The following UTY variants were observed in gnomAD, a reference collection of about 807,000 sequenced individuals.
UTY encodes the protein ubiquitously transcribed tetratricopeptide repeat containing, Y-linked, also known as histone demethylase UTY.
In UTY, 12 loss-of-function variants were observed where a neutral mutation model predicts 32.5. That is an observed-to-expected ratio of 0.37 (90% CI 0.24 to 0.60). The LOEUF is 0.60. UTY is among the 20% of genes least tolerant of loss of function. The pLI is 0.69. For missense variants in UTY, 303 were observed against 299.2 expected (o/e 1.01, Z -0.09); for synonymous variants, 131 against 103.4 (o/e 1.27, Z -1.62).
intron 3 of UTY, among the ~76,000 whole-genome samples, chrY:13,450,829 A>G: frequency 3.2e-5 from 1 of 31,597 alleles, no homozygotes. Context: ...GTCTGAAAAA[A>G]AAAAAAAAAA....
chrY:13,294,680 T>C, intron 27 of UTY, among the ~76,000 whole-genome samples: 1 of 34,138 alleles, frequency 2.9e-5, no homozygotes, highest in Non-Finnish European at 7.3e-5. Context: ...AAGTGGTCCA[T>C]GTTTCAGTTA....
At chrY:13,323,285 A>G in intron 21 of UTY, 1 of 86,518 alleles carries the variant, frequency 1.2e-5, no homozygotes, top group African/African-American at 1.1e-4. Context: ...AATTCCAGCT[A>G]TTCGGGAGGC....
intron 27 of UTY, among the ~76,000 whole-genome samples, chrY:13,279,877 T>G (rs2056910934): frequency 3.0e-5 from 1 of 32,991 alleles, no homozygotes; most frequent in African/African-American, 1.2e-4. Flanking sequence ...ACAAAGAGAT[T>G]AAAAAGAGTC....
chrY:13,457,049 T>A (rs1000156757), intron 3 of UTY, among the ~76,000 whole-genome samples: 1 of 33,514 alleles, frequency 3.0e-5, no homozygotes, highest in Admixed American at 2.8e-4. Context: ...GAAACACTAA[T>A]TGTAAGAAGT....
At chrY:13,256,508 T>A (rs2054724215) in intron 28 of UTY, among the ~76,000 whole-genome samples, 3 of 33,770 alleles carry the variant, frequency 8.9e-5, no homozygotes, top group Non-Finnish European at 2.2e-4. Context: ...TGAAATTAAC[T>A]AATTGGATTC....
At chrY:13,354,974 G>C (rs765240834) in intron 17 of UTY, 29 bp downstream of exon 17, 31 of 393,941 alleles carry the variant, frequency 7.9e-5, no homozygotes, top group Non-Finnish European at 9.9e-5. Context: ...CTATATAAGA[G>C]CCAAGAAAGC....
intron 6 of UTY, among the ~76,000 whole-genome samples, chrY:13,401,086 CT>C (rs2068954452): frequency 3.0e-5 from 1 of 33,442 alleles, no homozygotes; most frequent in African/African-American, 1.2e-4. Flanking sequence ...CATAAGGGCT[CT>C]CTCTCATGAA....
chrY:13,286,941 A>C, intron 27 of UTY: 1 of 385,474 alleles, frequency 2.6e-6, no homozygotes, highest in Non-Finnish European at 3.7e-6. Flanking sequence ...AGCTAACTGG[A>C]AATACAAGTA....
chrY:13,471,818 G>A, intron 2 of UTY, among the ~76,000 whole-genome samples: 1 of 28,674 alleles, frequency 3.5e-5, no homozygotes, highest in African/African-American at 1.4e-4. Flanking sequence ...GTGAGACCCC[G>A]GCTCAAAAAA....
rs768412584 is a variant in UTY at position 13,387,765 on chromosome Y, G to A, written c.645+6094C>T. 1.3e-3 allele frequency among the ~76,000 whole-genome samples: 42 copies of A among 33,379 alleles called. No homozygotes were observed. In the South Asian group the frequency reaches 0.028, roughly 22 times the overall value. The allele number at this position is 33,379 out of a possible 37,273, so 89.6% of individuals were successfully genotyped here. Reference sequence around the variant, plus strand: ...GCAGAGGTTGCAGTGAGCTGAGATCGCACCAATGCACTCCAGCCTGGGCAA... The same window carrying A: ...GCAGAGGTTGCAGTGAGCTGAGATCACACCAATGCACTCCAGCCTGGGCAA... On this transcript the variant is annotated intron_variant, in intron 8 of 29. Transcript: ENST00000545955.
At chrY:13,301,201 A>C in intron 25 of UTY, among the ~76,000 whole-genome samples, 1 of 33,153 alleles carries the variant, frequency 3.0e-5, no homozygotes, top group South Asian at 6.8e-4. Context: ...CGTTTCCCAT[A>C]AACTTTAAAA....
chrY:13,437,094 C>G, intron 4 of UTY, among the ~76,000 whole-genome samples: 1 of 32,134 alleles, frequency 3.1e-5, no homozygotes, highest in Admixed American at 2.8e-4. Flanking sequence ...AGAGGAAGGG[C>G]AATTGTCTCC....
intron 8 of UTY, among the ~76,000 whole-genome samples, chrY:13,372,004 G>A (rs963365570): frequency 1.5e-4 from 5 of 33,805 alleles, no homozygotes; most frequent in Non-Finnish European, 2.9e-4. Flanking sequence ...AGACACAAAT[G>A]AATGACAGAC....
chrY:13,275,192 T>C (rs1603290542), intron 27 of UTY, among the ~76,000 whole-genome samples: 1 of 33,723 alleles, frequency 3.0e-5, no homozygotes, highest in Non-Finnish European at 7.4e-5. Flanking sequence ...TGGGGGAAAG[T>C]ATTCATATGT....
chrY:13,239,396 G>A (rs759743001), intron 28 of UTY, among the ~76,000 whole-genome samples: 17 of 33,461 alleles, frequency 5.1e-4, no homozygotes, highest in Admixed American at 4.1e-3. Flanking sequence ...GATAACAAAA[G>A]GTTCACAACC....
In UTY at chrY:13,249,119, G is replaced by A; in HGVS notation, c.*737C>T. On this transcript the variant is annotated 3_prime_UTR_variant, in exon 30 of 30. Transcript: ENST00000545955. ...TTATCTACACATATAAAATGTAATA[G>A]GAGTAGTGTTTAAAACTACAGAACT... 1 of 38,657 alleles carries A rather than the reference G, an allele frequency of 2.6e-5. No individual in the cohort carries two copies. The highest frequency in any genetic ancestry group is 6.0e-5 in the Non-Finnish European group (1 of 16,535). The allele number at this position is 38,657 out of a possible 400,897, so 9.6% of individuals were successfully genotyped here. A position where few individuals can be genotyped will look rare whatever the true frequency, so the allele number is the denominator to read the frequency against.
At chrY:13,388,837 T>C in intron 8 of UTY, among the ~76,000 whole-genome samples, 1 of 31,213 alleles carries the variant, frequency 3.2e-5, no homozygotes, top group Non-Finnish European at 7.7e-5. Flanking sequence ...AATGATTTTA[T>C]TGGGCTCTTC....
At chrY:13,361,735 C>T (rs762664954) in intron 10 of UTY, among the ~76,000 whole-genome samples, 223 of 33,287 alleles carry the variant, frequency 6.7e-3, no homozygotes, top group Admixed American at 0.017. Flanking sequence ...GATGTGGTAC[C>T]GAATTATAAG....
intron 19 of UTY, among the ~76,000 whole-genome samples, chrY:13,325,532 A>G (rs2148957975): frequency 2.9e-5 from 1 of 33,942 alleles, no homozygotes; most frequent in Non-Finnish European, 7.4e-5. Context: ...ACGTTGCTAA[A>G]TAGTAAAAAA....
Sources: allele counts gnomAD v4.1 joint callset (sites outside exome capture counted in the v4.1 genomes callset), GRCh38; gene constraint gnomAD v4.1.1; transcripts MANE v1.5; gene names NCBI Gene and HGNC (gene_info 2026-07-23, HGNC 2026-07-21).